Variants in BRAF observed in about 807,000 individuals in gnomAD.
BRAF encodes the protein serine/threonine-protein kinase B-raf.
In BRAF, 16 loss-of-function variants were observed where a neutral mutation model predicts 104.6. The observed-to-expected ratio is 0.15, with a 90% CI of 0.10 to 0.23. The LOEUF (loss-of-function observed/expected upper bound fraction) is 0.23. BRAF is among the 10% of genes least tolerant of loss of function. The pLI is 1.00. For synonymous variants in BRAF, 310 were observed against 341.6 expected, an observed-to-expected ratio of 0.91 and a Z score of 1.02; for missense variants, 541 against 937.3, an observed-to-expected ratio of 0.58 and a Z score of 5.52.
chr7:140,724,270 G>A lies in BRAF; in HGVS notation c.*2224C>T, dbSNP rs1795474313. 9.4e-7 allele frequency: 1 copy of A among 1,058,686 alleles called. No individual in the cohort carries two copies. The highest frequency in any genetic ancestry group is 4.6e-5 in the South Asian group (1 of 21,914). The allele number at this position is 1,058,686 out of a possible 1,614,324, so 65.6% of individuals were successfully genotyped here. ...ATGTTCTACCTCCTCAGCAGGACATGAAACACATCCTCTTGTTCAAGCCCA... is the reference window on the plus strand; with the variant it reads ...ATGTTCTACCTCCTCAGCAGGACATAAAACACATCCTCTTGTTCAAGCCCA... On this transcript the variant is annotated 3_prime_UTR_variant, in exon 20 of 20. Transcript: ENST00000644969.
At chr7:140,859,083 T>C (rs953984492) in intron 1 of BRAF, among the ~76,000 whole-genome samples, 4 of 152,164 alleles carry the variant, frequency 2.6e-5, no homozygotes, top group Admixed American at 2.0e-4. Context: ...GATAGTAACA[T>C]TATAAAGAAT....
intron 1 of BRAF, among the ~76,000 whole-genome samples, chr7:140,913,736 C>A (rs1466328834): frequency 6.6e-6 from 1 of 152,094 alleles, no homozygotes; most frequent in African/African-American, 2.4e-5. Context: ...CCCGCCAGGG[C>A]CTTTCAAAGT....
rs1231799853 is a variant in BRAF, at chr7:140,725,885, T to C, written c.*609A>G. 3 of 1,062,430 alleles carry C rather than the reference T, an allele frequency of 2.8e-6. No individual in the cohort carries two copies. In the African/African-American group the frequency reaches 4.9e-5, roughly 17 times the overall value. 65.8% of individuals were successfully genotyped at this position (1,062,430 alleles called of 1,614,324 possible). On this transcript the variant is annotated 3_prime_UTR_variant, in exon 20 of 20. Coordinates refer to ENST00000644969, the MANE Select transcript of BRAF (RefSeq NM_001374258.1). ...CCCTTTTCCTCCATACCAAGACACATCTACTCACCACTCAGCCTCCATTTA... is the reference window on the plus strand; with the variant it reads ...CCCTTTTCCTCCATACCAAGACACACCTACTCACCACTCAGCCTCCATTTA...
chr7:140,816,192 T>C (rs1169151449), intron 3 of BRAF, among the ~76,000 whole-genome samples: 1 of 152,202 alleles, frequency 6.6e-6, no homozygotes, highest in African/African-American at 2.4e-5. Flanking sequence ...CAAGTTGCTA[T>C]GAAGATTAAA....
intron 1 of BRAF, among the ~76,000 whole-genome samples, chr7:140,905,271 C>G: frequency 6.6e-6 from 1 of 152,138 alleles, no homozygotes; most frequent in Middle Eastern, 3.2e-3. Flanking sequence ...AGAAATCTGT[C>G]TATTTCTTGT....
chr7:140,862,364 C>G (rs117824393), intron 1 of BRAF, among the ~76,000 whole-genome samples: 1,995 of 151,908 alleles, frequency 0.013, 19 homozygotes, highest in Non-Finnish European at 0.019. Context: ...ATGGGTGATA[C>G]AAGTAAAAAG....
intron 1 of BRAF, among the ~76,000 whole-genome samples, chr7:140,884,429 ATG>A (rs71170770): frequency 0.23 from 29,782 of 126,934 alleles, 3,726 homozygotes; most frequent in Non-Finnish European, 0.32. Flanking sequence ...TATATAAGAT[ATG>A]TGTGTGTGTG....
At chr7:140,861,723 A>G (rs572150401) in intron 1 of BRAF, among the ~76,000 whole-genome samples, 1 of 152,358 alleles carries the variant, frequency 6.6e-6, no homozygotes, top group South Asian at 2.1e-4. Flanking sequence ...GTAAGGTGCT[A>G]TATCTGTGTC....
intron 1 of BRAF, among the ~76,000 whole-genome samples, chr7:140,914,964 C>CGGTG (rs1817422281): frequency 2.9e-4 from 3 of 10,384 alleles, no homozygotes; most frequent in South Asian, 3.0e-3. Flanking sequence ...CACTTGAACC[C>CGGTG]GGGGGGGGGG....
At chr7:140,774,856 T>C (rs965524789) in intron 14 of BRAF, among the ~76,000 whole-genome samples, 1 of 152,200 alleles carries the variant, frequency 6.6e-6, no homozygotes, top group Non-Finnish European at 1.5e-5. Flanking sequence ...TTGGCATCTC[T>C]TTCTTCTGAA....
chr7:140,736,703 A>G (rs1051399424), intron 18 of BRAF, among the ~76,000 whole-genome samples: 24 of 151,064 alleles, frequency 1.6e-4, no homozygotes, highest in African/African-American at 5.8e-4. Flanking sequence ...CTGGGATTAC[A>G]GGCGTGAGCC....
rs976146222 is a variant in BRAF at position 140,869,645 on chromosome 7, A to G, written c.139-19433T>C. On this transcript the variant is annotated intron_variant, in intron 1 of 19. Coordinates refer to ENST00000644969, the MANE Select transcript of BRAF (RefSeq NM_001374258.1). ...GAGACTCTGTCTCAAACAAAAAAAA[A>G]AAAAGAAAAAAAAATCACTGTTGTC... 9.2e-5 allele frequency among the ~76,000 whole-genome samples: 14 copies of G among 152,044 alleles called. 1 individual carries two copies. The highest frequency in any genetic ancestry group is 3.1e-4 in the African/African-American group (13 of 41,434).
Position 140,787,905 on chromosome 7 carries a change from T to C in BRAF, c.1141-321A>G, listed in dbSNP as rs939708077. The stretch of plus-strand genomic sequence containing the variant: ...AGGAGCAGAAAACCAAATACTGTGT[T>C]TTCTCACTTATAAGTGGGAGCTGAA... On this transcript the variant is annotated intron_variant, in intron 8 of 19. Transcript: ENST00000644969. 2.0e-5 allele frequency among the ~76,000 whole-genome samples: 3 copies of C among 152,196 alleles called. No homozygotes were observed. In the South Asian group the frequency reaches 6.2e-4, roughly 32 times the overall value.
At chr7:140,896,494 T>C (rs759966924) in intron 1 of BRAF, among the ~76,000 whole-genome samples, 18 of 151,270 alleles carry the variant, frequency 1.2e-4, no homozygotes, top group Non-Finnish European at 1.6e-4. Flanking sequence ...GTTGGGAGGC[T>C]GAGGCGGGTG....
chr7:140,722,774 A>G lies in BRAF; in HGVS notation c.*3720T>C. 9.5e-7 allele frequency: 1 copy of G among 1,052,030 alleles called. No individual in the cohort carries two copies. The highest frequency in any genetic ancestry group is 1.1e-6 in the Non-Finnish European group (1 of 870,960). 65.2% of individuals were successfully genotyped at this position (1,052,030 alleles called of 1,614,324 possible). On this transcript the variant is annotated 3_prime_UTR_variant, in exon 20 of 20. Coordinates refer to ENST00000644969, the MANE Select transcript of BRAF (RefSeq NM_001374258.1). ...CATGCCAAGCCTACTGAAAATTAAA[A>G]TTACATCACTGTTAGTGAAGTGATA... is the stretch of plus-strand genomic sequence containing the variant.
chr7:140,755,850 C>CA (rs1370078785), intron 14 of BRAF, among the ~76,000 whole-genome samples: 1 of 151,302 alleles, frequency 6.6e-6, no homozygotes, highest in Non-Finnish European at 1.5e-5. Context: ...GTCCTGCACT[C>CA]AGAGAGACCT....
At chr7:140,717,162 T>A (rs983345469), downstream of BRAF, among the ~76,000 whole-genome samples, 1 of 152,182 alleles carries the variant, frequency 6.6e-6, no homozygotes, top group Non-Finnish European at 1.5e-5. Flanking sequence ...AAATTATATA[T>A]CTGTAATATA....
At position 140,924,010 on chromosome 7, in the gene BRAF, T is replaced by C. The variant is rs1048208259; in HGVS notation, c.138+556A>G. 6.6e-6 allele frequency among the ~76,000 whole-genome samples: 1 copy of C among 152,008 alleles called. No homozygotes were observed. The highest frequency in any genetic ancestry group is 1.5e-5 in the Non-Finnish European group (1 of 67,998). On this transcript the variant is annotated intron_variant, in intron 1 of 19. Coordinates refer to ENST00000644969, the MANE Select transcript of BRAF (RefSeq NM_001374258.1). The surrounding 1 kb of genome is among the most constrained non-coding windows in gnomAD (Gnocchi z 4.2). ...TAAAGACTAAATCAAAATAATTTGC[T>C]GGGTAAAACAGGTGAAGAGAAATCC...
chr7:140,887,140 C>T (rs1813661265), intron 1 of BRAF, among the ~76,000 whole-genome samples: 1 of 152,148 alleles, frequency 6.6e-6, no homozygotes, highest in African/African-American at 2.4e-5. Flanking sequence ...TATAATAATT[C>T]AGCTACAAGT....
Sources: gnomAD v4.1 joint callset for allele counts (sites outside exome capture counted in the v4.1 genomes callset) on GRCh38, gnomAD v4.1.1 for gene constraint, Gnocchi (gnomAD v3.1) non-coding constraint, MANE v1.5 for transcripts, NCBI Gene and HGNC (gene_info 2026-07-23, HGNC 2026-07-21) for gene names.